Variants in ALPK1 observed in about 807,000 individuals in gnomAD.
The protein encoded by ALPK1 is alpha kinase 1.
Under a neutral mutation model 120.6 loss-of-function variants are expected in ALPK1, and 110 were observed. The observed-to-expected ratio is 0.91, with a 90% CI of 0.78 to 1.07. ALPK1 has a LOEUF of 1.07. ALPK1 is among the 50% of genes least tolerant of loss of function. ALPK1 has a pLI of 0.00. For synonymous variants in ALPK1, 582 were observed against 560.3 expected, an observed-to-expected ratio of 1.04 and a Z score of -0.55; for missense variants, 1,498 against 1,483.9, an observed-to-expected ratio of 1.01 and a Z score of -0.16.
intron 3 of ALPK1, among the ~76,000 whole-genome samples, chr4:112,378,673 T>C (rs543303655): frequency 6.6e-6 from 1 of 152,346 alleles, no homozygotes; most frequent in South Asian, 2.1e-4. Context: ...TTAATATTTT[T>C]CTCAGTATTT....
At chr4:112,325,845 C>T (rs1164476818) in intron 2 of ALPK1, among the ~76,000 whole-genome samples, 1 of 152,146 alleles carries the variant, frequency 6.6e-6, no homozygotes, top group Admixed American at 6.5e-5. Context: ...CCAGGGAAGG[C>T]CTTGTTTTAA....
chr4:112,372,146 G>A (rs763158011), intron 2 of ALPK1, among the ~76,000 whole-genome samples: 7 of 150,900 alleles, frequency 4.6e-5, no homozygotes, highest in East Asian at 3.9e-4. Context: ...TACTTAAGTC[G>A]TTTACAGTAA....
At chr4:112,386,958 T>A (rs1474161815) in intron 4 of ALPK1, among the ~76,000 whole-genome samples, 1 of 152,232 alleles carries the variant, frequency 6.6e-6, no homozygotes, top group Non-Finnish European at 1.5e-5. Flanking sequence ...TGAGCAACTT[T>A]TTTCAAGTGT....
chr4:112,312,166 TTAG>T (rs1481686054), intron 1 of ALPK1, among the ~76,000 whole-genome samples: 8 of 152,246 alleles, frequency 5.3e-5, no homozygotes, highest in Non-Finnish European at 1.0e-4. Flanking sequence ...TGCTTATTTC[TTAG>T]TAGGATCATA....
intron 2 of ALPK1, among the ~76,000 whole-genome samples, chr4:112,324,190 G>A (rs1332805341): frequency 3.3e-5 from 5 of 152,242 alleles, no homozygotes; most frequent in Non-Finnish European, 7.4e-5. Flanking sequence ...AGCAGGGCAT[G>A]GTGGCAGGCG....
rs1355815350 is a variant in ALPK1, at chr4:112,370,702, T to C, written c.-100-6976T>C. Among the ~76,000 whole-genome samples, 3 of 152,208 alleles carry C rather than the reference T, an allele frequency of 2.0e-5. No homozygotes were observed. The East Asian group carries it at 5.8e-4, about 29-fold the overall frequency. On this transcript the variant is annotated intron_variant, in intron 2 of 15. Coordinates refer to ENST00000650871, the MANE Select transcript of ALPK1 (RefSeq NM_025144.4). ...GACAGATGGTTGGATTCCAAAGCGTTTCTCATGTTACAGTATTTTCTTCCT... is the reference window on the plus strand; with the variant it reads ...GACAGATGGTTGGATTCCAAAGCGTCTCTCATGTTACAGTATTTTCTTCCT...
chr4:112,357,600 C>G (rs1027613247), intron 2 of ALPK1: 1 of 1,594,082 alleles, frequency 6.3e-7, no homozygotes, highest in South Asian at 1.1e-5. Context: ...AGTTGCAGAT[C>G]CCTTTCCCAG....
intron 2 of ALPK1, among the ~76,000 whole-genome samples, chr4:112,349,169 A>G (rs542287006): frequency 1.2e-4 from 18 of 152,226 alleles, no homozygotes; most frequent in Non-Finnish European, 2.1e-4. Context: ...CATTAATTGA[A>G]TATGGATCCA....
chr4:112,412,470 A>G (rs1159804982), intron 5 of ALPK1: 2 of 457,316 alleles, frequency 4.4e-6, no homozygotes, highest in African/African-American at 4.0e-5. Flanking sequence ...AAGTAATTTG[A>G]GGGTTTTTTT....
intron 2 of ALPK1, among the ~76,000 whole-genome samples, chr4:112,372,186 C>A (rs143016231): frequency 4.0e-5 from 6 of 151,020 alleles, no homozygotes; most frequent in Admixed American, 2.0e-4. Flanking sequence ...TTCAATTTGT[C>A]AATATAAAGA....
chr4:112,370,812 G>T (rs1348994035), intron 2 of ALPK1, among the ~76,000 whole-genome samples: 1 of 152,138 alleles, frequency 6.6e-6, no homozygotes, highest in Non-Finnish European at 1.5e-5. Flanking sequence ...ACATTTCTGG[G>T]GAATTGCAAG....
chr4:112,357,372 T>C, intron 2 of ALPK1: 1 of 708,008 alleles, frequency 1.4e-6, no homozygotes, highest in Admixed American at 2.4e-5. Flanking sequence ...CTGGCAGGGC[T>C]GGGGGCCTAT....
chr4:112,356,246 C>T, intron 2 of ALPK1: 2 of 1,465,656 alleles, frequency 1.4e-6, no homozygotes, highest in South Asian at 1.1e-5. Flanking sequence ...GAATGGCATC[C>T]TGGAGAGCCC....
intron 5 of ALPK1, among the ~76,000 whole-genome samples, chr4:112,416,703 C>A (rs976866904): frequency 1.3e-5 from 2 of 151,926 alleles, no homozygotes; most frequent in African/African-American, 4.8e-5. Context: ...AGGATGATCT[C>A]ATCTCTACAA....
At chr4:112,357,396 A>G (rs543262008) in intron 2 of ALPK1, 3 of 691,830 alleles carry the variant, frequency 4.3e-6, no homozygotes, top group East Asian at 2.6e-5. Context: ...GTGCACATCC[A>G]TCCTGATGCC....
intron 2 of ALPK1, among the ~76,000 whole-genome samples, chr4:112,355,040 CACAA>C (rs929658102): frequency 2.6e-5 from 4 of 152,102 alleles, no homozygotes; most frequent in East Asian, 1.9e-4. Context: ...TTTTCCAGAC[CACAA>C]ACAGAGTATC....
At position 112,308,296 on chromosome 4, in the gene ALPK1, C is replaced by A. The variant is rs112890939; in HGVS notation, c.-152-7505C>A. On this transcript the variant is annotated intron_variant, in intron 1 of 15. Coordinates refer to ENST00000650871, the MANE Select transcript of ALPK1 (RefSeq NM_025144.4). ...TTTCCTGAATTTGAATGTTGGCCTG[C>A]CTTGCTAGGTTGGGGAAGTTGTCCT... Among the ~76,000 whole-genome samples, 5 of 152,144 alleles carry A rather than the reference C, an allele frequency of 3.3e-5. 2 individuals are homozygous for A. The highest frequency in any genetic ancestry group is 1.2e-4 in the African/African-American group (5 of 41,450).
intron 2 of ALPK1, among the ~76,000 whole-genome samples, chr4:112,363,262 C>T (rs1056554683): frequency 2.6e-5 from 4 of 151,966 alleles, no homozygotes; most frequent in South Asian, 2.1e-4. Flanking sequence ...TGGATGTAAA[C>T]GGCCTAAATG....
At chr4:112,359,751 G>A (rs1045808775) in intron 2 of ALPK1, 14 of 374,014 alleles carry the variant, frequency 3.7e-5, no homozygotes, top group Admixed American at 2.0e-4. Flanking sequence ...CCTCTAGGAC[G>A]TGCCCAACCT....
Sources: allele counts gnomAD v4.1 joint callset (sites outside exome capture counted in the v4.1 genomes callset), GRCh38; gene constraint gnomAD v4.1.1; transcripts MANE v1.5; gene names NCBI Gene and HGNC (gene_info 2026-07-23, HGNC 2026-07-21).